The following EHMT1 variants were observed in gnomAD, a reference collection of about 807,000 sequenced individuals.
EHMT1 encodes the protein histone-lysine N-methyltransferase EHMT1.
A neutral mutation model predicts 147.2 loss-of-function variants in EHMT1; 15 were observed. The ratio of observed to expected loss-of-function variants is 0.10; its 90% CI spans 0.07 to 0.16. The LOEUF is 0.16. Ranked by LOEUF, EHMT1 falls within the 10% of genes least tolerant of loss-of-function variation. EHMT1 has a pLI of 1.00. For synonymous variants in EHMT1, 795 were observed against 709.6 expected, an observed-to-expected ratio of 1.12 and a Z score of -1.91; for missense variants, 1,587 against 1,772.4, an observed-to-expected ratio of 0.90 and a Z score of 1.88.
chr9:137,687,818 A>G (rs1304576932), intron 1 of EHMT1, among the ~76,000 whole-genome samples: 1 of 152,234 alleles, frequency 6.6e-6, no homozygotes, highest in Non-Finnish European at 1.5e-5. Flanking sequence ...TGCCACCCAC[A>G]TGAAGGCAGT....
At chr9:137,767,065 C>T (rs1011449406) in intron 10 of EHMT1, among the ~76,000 whole-genome samples, 2 of 152,148 alleles carry the variant, frequency 1.3e-5, no homozygotes, top group African/African-American at 2.4e-5. Flanking sequence ...TCAAGCTATC[C>T]ACCTGCCTTG....
intron 26 of EHMT1, 89 bp downstream of exon 26, chr9:137,834,613 G>A: frequency 7.5e-6 from 12 of 1,597,082 alleles, no homozygotes; most frequent in Non-Finnish European, 9.4e-6. Flanking sequence ...GGCTTGTCTC[G>A]GGTTTATGCT....
At chr9:137,726,396 T>C (rs1053806135) in intron 3 of EHMT1, among the ~76,000 whole-genome samples, 18 of 152,214 alleles carry the variant, frequency 1.2e-4, no homozygotes, top group African/African-American at 4.3e-4. Context: ...GCTGACTTAC[T>C]TCATTCGGCA....
chr9:137,675,720 T>C (rs1310965383), intron 1 of EHMT1, among the ~76,000 whole-genome samples: 6 of 144,336 alleles, frequency 4.2e-5, no homozygotes, highest in Non-Finnish European at 6.0e-5. Context: ...CAAGCGATTC[T>C]CCTGCCTCAG....
intron 25 of EHMT1, among the ~76,000 whole-genome samples, chr9:137,821,759 GA>G (rs1955439665): frequency 1.3e-5 from 2 of 152,098 alleles, no homozygotes; most frequent in African/African-American, 4.8e-5. Flanking sequence ...TCAGGTTAGG[GA>G]AAAATGAGGC....
At chr9:137,647,173 C>T (rs1358830998) in intron 1 of EHMT1, among the ~76,000 whole-genome samples, 6 of 152,156 alleles carry the variant, frequency 3.9e-5, no homozygotes, top group Non-Finnish European at 5.9e-5. Context: ...TAAATATTGA[C>T]GTGCCCGAAG....
chr9:137,687,791 A>C (rs1353422120), intron 1 of EHMT1, among the ~76,000 whole-genome samples: 2 of 152,258 alleles, frequency 1.3e-5, no homozygotes, highest in East Asian at 3.9e-4. Context: ...TAAACAAATA[A>C]ATTTCTGTTG....
chr9:137,715,220 T>G (rs747262978), intron 2 of EHMT1, among the ~76,000 whole-genome samples: 1 of 152,240 alleles, frequency 6.6e-6, no homozygotes, highest in Non-Finnish European at 1.5e-5. Context: ...TGCCTTTTTA[T>G]GTCAGACACT....
chr9:137,811,677 C>A, intron 19 of EHMT1, 62 bp downstream of exon 19: 4 of 1,594,602 alleles, frequency 2.5e-6, no homozygotes, highest in Non-Finnish European at 3.4e-6. Context: ...CCCAGAGAGA[C>A]CGCTTGACAG....
intron 1 of EHMT1, among the ~76,000 whole-genome samples, chr9:137,626,455 T>A (rs1843262821): frequency 1.3e-5 from 2 of 149,112 alleles, no homozygotes; most frequent in East Asian, 4.0e-4. Context: ...TCCGGGAGGT[T>A]GAGGCTGCAG....
In EHMT1 at chr9:137,834,351, C is replaced by T. The variant is rs1261628877; in HGVS notation, c.3543C>T (p.Asp1181=). The change falls in exon 26 of 27, where the codon GAC becomes GAT. Residue 1181 remains aspartate (D), a splice_region_variant and synonymous_variant. Transcript: ENST00000460843. ...CGTGCCGGCTTCTCGCCCTGCAGGACGGGGAGGTTTACTGCATCGACGCGC... is the reference window on the plus strand; with the variant it reads ...CGTGCCGGCTTCTCGCCCTGCAGGATGGGGAGGTTTACTGCATCGACGCGC... The part of the protein sequence containing the change: ...DSYLFDLDNK[D]GEVYCIDARF... The T allele has an allele frequency of 1.9e-6, 3 of 1,612,902 alleles. No individual in the cohort carries two copies. The highest frequency in any genetic ancestry group is 1.3e-5 in the African/African-American group (1 of 75,008).
chr9:137,682,922 C>T (rs1942097505), intron 1 of EHMT1, among the ~76,000 whole-genome samples: 1 of 152,198 alleles, frequency 6.6e-6, no homozygotes, highest in South Asian at 2.1e-4. Context: ...CCTGCACGTG[C>T]GAGTGAGTGC....
intron 4 of EHMT1, among the ~76,000 whole-genome samples, chr9:137,742,115 C>G (rs1948138579): frequency 6.6e-6 from 1 of 152,180 alleles, no homozygotes; most frequent in Non-Finnish European, 1.5e-5. Context: ...CTGCAGACGC[C>G]TGGTGTGATC....
rs1405867561 is a variant in EHMT1, at chr9:137,749,158, A to C, written c.1171-3173A>C. Among the ~76,000 whole-genome samples the C allele has an allele frequency of 3.3e-5, 5 of 150,610 alleles. No individual in the cohort carries two copies. The East Asian group carries it at 7.8e-4, about 23-fold the overall frequency. The stretch of plus-strand genomic sequence containing the variant: ...CTGGCCTGCTCCTGACCTGCTACCC[A>C]CCCCCAGGACAGATGTGGGAAGCTC... On this transcript the variant is annotated intron_variant, in intron 6 of 26. Transcript: ENST00000460843.
chr9:137,658,998 C>T (rs1435073606), intron 1 of EHMT1, among the ~76,000 whole-genome samples: 6 of 152,130 alleles, frequency 3.9e-5, no homozygotes, highest in Non-Finnish European at 7.4e-5. Flanking sequence ...ATCCTGCAAG[C>T]CCACATCCTC....
intron 17 of EHMT1, among the ~76,000 whole-genome samples, chr9:137,799,120 G>T (rs1953228115): frequency 6.6e-6 from 1 of 151,514 alleles, no homozygotes; most frequent in South Asian, 2.1e-4. Context: ...GCCAGCTCGG[G>T]CCCTCCAGCG....
At position 137,779,614 on chromosome 9, in the gene EHMT1, GTTGTC is replaced by G. The variant is rs1564744502; in HGVS notation, c.2193-16_2193-12del. On this transcript the variant is annotated splice_polypyrimidine_tract_variant and intron_variant, in intron 13 of 26. Coordinates refer to ENST00000460843, the MANE Select transcript of EHMT1 (RefSeq NM_024757.5). ...TGGGATGCAGAGCCCCATGCTGACT[GTTGTC>G]TTGTGCTTCCCACAGACCCAAGAAG... The G allele has an allele frequency of 3.1e-6, 5 of 1,613,358 alleles. No individual in the cohort carries two copies. Among genetic ancestry groups the G allele is most frequent in the Non-Finnish European group, 4.2e-6 (5 of 1,179,890 alleles).
At chr9:137,715,753 G>T in intron 2 of EHMT1, 7 of 985,410 alleles carry the variant, frequency 7.1e-6, no homozygotes, top group Non-Finnish European at 8.4e-6. Flanking sequence ...GACCACGGAT[G>T]TGCTCCAAGT....
chr9:137,777,179 C>T, intron 12 of EHMT1: 1 of 338,476 alleles, frequency 3.0e-6, no homozygotes, highest in Non-Finnish European at 5.6e-6. Flanking sequence ...CAGTCTGTGA[C>T]CGAGTTCTGT....
Sources: gnomAD v4.1 joint callset for allele counts (sites outside exome capture counted in the v4.1 genomes callset) on GRCh38, gnomAD v4.1.1 for gene constraint, MANE v1.5 for transcripts, NCBI Gene and HGNC (gene_info 2026-07-23, HGNC 2026-07-21) for gene names.